The following SLCO5A1 variants were observed in gnomAD, a reference collection of about 807,000 sequenced individuals.
The protein encoded by SLCO5A1 is solute carrier organic anion transporter family member 5A1.
A neutral mutation model predicts 65.1 loss-of-function variants in SLCO5A1; 39 were observed. The observed-to-expected ratio is 0.60, with a 90% CI of 0.46 to 0.78. The LOEUF (loss-of-function observed/expected upper bound fraction) is 0.78, where lower values mean the gene tolerates loss of function less well. Among genes scored for constraint, SLCO5A1 ranks in the 30% least tolerant of loss-of-function variants. SLCO5A1 has a pLI of 0.00. For missense variants in SLCO5A1, 1,029 were observed against 1,069.4 expected (o/e 0.96, Z 0.53); for synonymous variants, 438 against 415.7 (o/e 1.05, Z -0.65).
intron 6 of SLCO5A1, among the ~76,000 whole-genome samples, chr8:69,684,955 T>C (rs1403058429): frequency 6.6e-6 from 1 of 152,194 alleles, no homozygotes; most frequent in East Asian, 1.9e-4. Context: ...TTTCACACTG[T>C]TCAAGGAGGC....
intron 2 of SLCO5A1, among the ~76,000 whole-genome samples, chr8:69,799,150 C>T (rs937670845): frequency 6.6e-6 from 1 of 152,136 alleles, no homozygotes; most frequent in Non-Finnish European, 1.5e-5. Context: ...TAATAATAAC[C>T]TGTTTCAAGT....
chr8:69,805,773 G>A (rs1276961758), intron 2 of SLCO5A1, among the ~76,000 whole-genome samples: 2 of 152,124 alleles, frequency 1.3e-5, no homozygotes, highest in Admixed American at 1.3e-4. Flanking sequence ...TAATACACCT[G>A]CTGGGAAAAA....
rs934358515 is a variant in SLCO5A1 at position 69,667,860 on chromosome 8, G to A, written c.*5009C>T. 1 of 152,122 alleles carries A rather than the reference G, an allele frequency of 6.6e-6. No homozygotes were observed. The highest frequency in any genetic ancestry group is 2.4e-5 in the African/African-American group (1 of 41,420). 9.4% of individuals were successfully genotyped at this position (152,122 alleles called of 1,614,324 possible). ...CATAGAAAAGTATCCCCCCTTTCAC[G>A]CTTCATTTTTGCAGCATAGATGGAG... On this transcript the variant is annotated 3_prime_UTR_variant, in exon 10 of 10. Coordinates refer to ENST00000260126, the MANE Select transcript of SLCO5A1 (RefSeq NM_030958.3).
intron 2 of SLCO5A1, among the ~76,000 whole-genome samples, chr8:69,826,794 T>G (rs1820939470): frequency 6.6e-6 from 1 of 152,160 alleles, no homozygotes; most frequent in African/African-American, 2.4e-5. Flanking sequence ...ATCCCATTAC[T>G]GGGTATATAC....
chr8:69,809,183 A>G (rs1820125944), intron 2 of SLCO5A1, among the ~76,000 whole-genome samples: 1 of 152,190 alleles, frequency 6.6e-6, no homozygotes, highest in Admixed American at 6.5e-5. Flanking sequence ...TCCTCCCCCA[A>G]AAAAGTATGT....
intron 2 of SLCO5A1, among the ~76,000 whole-genome samples, chr8:69,796,936 C>T (rs1819525104): frequency 1.3e-5 from 2 of 152,112 alleles, no homozygotes; most frequent in African/African-American, 4.8e-5. Flanking sequence ...TAATAAGTTC[C>T]TTATCTCCAT....
Position 69,833,018 on chromosome 8 carries a change from G to A in SLCO5A1, c.-345C>T. 9.7e-6 allele frequency: 3 copies of A among 309,080 alleles called. No homozygotes were observed. The highest frequency in any genetic ancestry group is 1.7e-5 in the Non-Finnish European group (3 of 174,112). The allele number at this position is 309,080 out of a possible 1,614,324, so 19.1% of individuals were successfully genotyped here. On this transcript the variant is annotated 5_prime_UTR_variant, in exon 2 of 10. Transcript: ENST00000260126. ...CTCCGCCGCCGCCGCCGCCGCCGCC[G>A]CTGGGCCCGCGGCCAGGAGCGAGTG...
At position 69,740,404 on chromosome 8, in the gene SLCO5A1, G is replaced by T. The variant is rs557985636; in HGVS notation, c.1259-2200C>A. On this transcript the variant is annotated intron_variant, in intron 4 of 9. Transcript: ENST00000260126. ...AAGAAGAGAGTTACAAATATGGAAA[G>T]GGGGATCGTTCTACATCAGATTGGA... is the stretch of plus-strand genomic sequence containing the variant. 1.0e-3 allele frequency among the ~76,000 whole-genome samples: 157 copies of T among 152,324 alleles called. 1 individual carries two copies. Among genetic ancestry groups the T allele is most frequent in the African/African-American group, 3.5e-3 (146 of 41,582 alleles).
intron 2 of SLCO5A1, among the ~76,000 whole-genome samples, chr8:69,771,087 C>T (rs771461795): frequency 5.3e-5 from 8 of 152,114 alleles, no homozygotes; most frequent in South Asian, 4.1e-4. Flanking sequence ...CGGGTTCAAG[C>T]GATTCTCCTG....
intron 2 of SLCO5A1, among the ~76,000 whole-genome samples, chr8:69,823,093 T>C (rs1394299700): frequency 6.6e-6 from 1 of 152,242 alleles, no homozygotes; most frequent in East Asian, 1.9e-4. Flanking sequence ...ATTCTTACTC[T>C]TTTCCCTGTT....
intron 8 of SLCO5A1, among the ~76,000 whole-genome samples, chr8:69,677,737 C>A (rs780948244): frequency 4.6e-5 from 7 of 152,222 alleles, no homozygotes; most frequent in Non-Finnish European, 7.3e-5. Flanking sequence ...TGATTCAGCA[C>A]CAAGTGGGAA....
intron 6 of SLCO5A1, among the ~76,000 whole-genome samples, chr8:69,704,044 T>C (rs1240143570): frequency 6.6e-6 from 1 of 152,150 alleles, no homozygotes; most frequent in African/African-American, 2.4e-5. Context: ...AATTGCCAAA[T>C]GCCACAAATC....
At chr8:69,825,655 C>T (rs1820852129) in intron 2 of SLCO5A1, among the ~76,000 whole-genome samples, 1 of 152,124 alleles carries the variant, frequency 6.6e-6, no homozygotes, top group Admixed American at 6.6e-5. Context: ...GAAGAACGTT[C>T]CATGCTCATG....
At position 69,832,994 on chromosome 8, in the gene SLCO5A1, T is replaced by TCCGCCGCCG. The variant is rs959438179; in HGVS notation, c.-330_-322dup. 3.5e-5 allele frequency: 12 copies of TCCGCCGCCG among 339,092 alleles called. No individual in the cohort carries two copies. Among genetic ancestry groups the TCCGCCGCCG allele is most frequent in the Non-Finnish European group, 6.2e-5 (12 of 192,988 alleles). The allele number at this position is 339,092 out of a possible 1,614,324, so 21.0% of individuals were successfully genotyped here. ...CCTCGCGCGTCCCGGGCTCATCCCC[T>TCCGCCGCCG]CCGCCGCCGCCGCCGCCGCCGCCGC... is the stretch of plus-strand genomic sequence containing the variant. On this transcript the variant is annotated 5_prime_UTR_variant, in exon 2 of 10. Coordinates refer to ENST00000260126, the MANE Select transcript of SLCO5A1 (RefSeq NM_030958.3). The surrounding 1 kb of genome is among the most constrained non-coding windows in gnomAD (Gnocchi z 4.5).
At chr8:69,771,693 C>T (rs1818329688) in intron 2 of SLCO5A1, among the ~76,000 whole-genome samples, 1 of 152,176 alleles carries the variant, frequency 6.6e-6, no homozygotes, top group Admixed American at 6.5e-5. Context: ...CCAGAGGTCT[C>T]TGTCACTGCT....
At chr8:69,829,472 A>G (rs192048151) in intron 2 of SLCO5A1, among the ~76,000 whole-genome samples, 1 of 152,334 alleles carries the variant, frequency 6.6e-6, no homozygotes, top group Admixed American at 6.5e-5. Flanking sequence ...TTAGTTCCTC[A>G]TTTAAAAAAT....
Position 69,709,129 on chromosome 8 carries a change from G to GCTCT in SLCO5A1, c.1424-3904_1424-3901dup, listed in dbSNP as rs572076505. ...TCCCTAGAGTTTGAGAATCCAGTCA[G>GCTCT]CTCTTTCTAGAACTTTGCATATAAA... On this transcript the variant is annotated intron_variant, in intron 5 of 9. Coordinates refer to ENST00000260126, the MANE Select transcript of SLCO5A1 (RefSeq NM_030958.3). Among the ~76,000 whole-genome samples the GCTCT allele has an allele frequency of 1.1e-3, 168 of 152,292 alleles. 1 individual carries two copies. The highest frequency in any genetic ancestry group is 1.7e-3 in the Non-Finnish European group (118 of 68,022).
chr8:69,714,471 T>TG (rs1013035770), intron 5 of SLCO5A1, among the ~76,000 whole-genome samples: 1 of 152,126 alleles, frequency 6.6e-6, no homozygotes, highest in African/African-American at 2.4e-5. Flanking sequence ...GCAGATAAGC[T>TG]GGGGGGATAG....
chr8:69,709,788 A>T lies in SLCO5A1; in HGVS notation c.1424-4559T>A, dbSNP rs189621468. On this transcript the variant is annotated intron_variant, in intron 5 of 9. Transcript: ENST00000260126. ...CAAGGGTTGGAAAAACCGTGATGGG[A>T]AAGTGAAGTCGGCACTACTAAGAAT... Among the ~76,000 whole-genome samples the T allele has an allele frequency of 3.3e-5, 5 of 152,332 alleles. No homozygotes were observed. In the East Asian group the frequency reaches 7.7e-4, roughly 23 times the overall value.
Sources: allele counts gnomAD v4.1 joint callset (sites outside exome capture counted in the v4.1 genomes callset), GRCh38; gene constraint gnomAD v4.1.1; non-coding constraint Gnocchi (gnomAD v3.1); transcripts MANE v1.5; gene names NCBI Gene and HGNC (gene_info 2026-07-23, HGNC 2026-07-21).